Variants in NDRG1 observed in about 807,000 individuals in gnomAD.
NDRG1 encodes N-myc downstream regulated 1, also known as protein NDRG1.
Under a neutral mutation model 56.9 loss-of-function variants are expected in NDRG1, and 32 were observed. The observed-to-expected ratio is 0.56, with a 90% CI of 0.42 to 0.76. The LOEUF (loss-of-function observed/expected upper bound fraction) is 0.76. Among genes scored for constraint, NDRG1 ranks in the 30% least tolerant of loss-of-function variants. NDRG1 has a pLI of 0.00. For synonymous variants in NDRG1, 211 were observed against 204.1 expected, an observed-to-expected ratio of 1.03 and a Z score of -0.29; for missense variants, 507 against 545.7, an observed-to-expected ratio of 0.93 and a Z score of 0.71.
At chr8:133,271,407 C>T (rs994002708) in intron 3 of NDRG1, among the ~76,000 whole-genome samples, 1 of 152,148 alleles carries the variant, frequency 6.6e-6, no homozygotes, top group South Asian at 2.1e-4. Context: ...CTGCCCCCTC[C>T]CCACCATCTT....
rs1472386017 is a variant in NDRG1 at position 133,239,084 on chromosome 8, G to A, written c.979C>T (p.Arg327Cys). 6.4e-6 allele frequency: 10 copies of A among 1,573,300 alleles called. No individual in the cohort carries two copies. Among genetic ancestry groups the A allele is most frequent in the African/African-American group, 2.7e-5 (2 of 74,370 alleles). The change falls in exon 16 of 16, where the codon CGC (arginine) becomes TGC (cysteine). Residue 327 changes from arginine (R) to cysteine (C), a missense_variant. By Grantham distance (180) the Arg-to-Cys change is radical (BLOSUM62 -3). Transcript: ENST00000323851. ...GTGACGCTGGAACCAGAGGCTGTGC[G>A]GGACCGCATCAGGCGGGTCATGCTA... ...SASMTRLMRSRTASGSSVTSL... is the reference protein window; with the variant it reads ...SASMTRLMRSCTASGSSVTSL...
chr8:133,263,646 T>C (rs1856765422), intron 4 of NDRG1, among the ~76,000 whole-genome samples: 1 of 152,188 alleles, frequency 6.6e-6, no homozygotes, highest in East Asian at 1.9e-4. Flanking sequence ...CCGGGCCCAA[T>C]GGCTCATGCC....
At chr8:133,283,224 T>G (rs891431029) in intron 2 of NDRG1, among the ~76,000 whole-genome samples, 2 of 152,234 alleles carry the variant, frequency 1.3e-5, no homozygotes, top group African/African-American at 2.4e-5. Context: ...GGGACCTGCA[T>G]GAACCAAAGT....
intron 1 of NDRG1, among the ~76,000 whole-genome samples, chr8:133,295,267 C>T (rs531992022): frequency 6.6e-6 from 1 of 152,364 alleles, no homozygotes; most frequent in Admixed American, 6.5e-5. Context: ...ATTTCAACTC[C>T]TCCCACCTGC....
chr8:133,271,844 G>T (rs1029522114), intron 3 of NDRG1, among the ~76,000 whole-genome samples: 1 of 78,274 alleles, frequency 1.3e-5, no homozygotes, highest in Non-Finnish European at 3.2e-5. Flanking sequence ...GATAACCAGG[G>T]GAGGTGTGTG....
chr8:133,293,640 C>T (rs1052673588), intron 1 of NDRG1, among the ~76,000 whole-genome samples: 2 of 152,232 alleles, frequency 1.3e-5, no homozygotes, highest in African/African-American at 4.8e-5. Context: ...CCTGAAGGTA[C>T]AGCGGCATGT....
chr8:133,271,381 A>T (rs1857176915), intron 3 of NDRG1, among the ~76,000 whole-genome samples: 1 of 152,160 alleles, frequency 6.6e-6, no homozygotes, highest in Non-Finnish European at 1.5e-5. Flanking sequence ...GAGGCTCAAG[A>T]GAGAATGTCA....
chr8:133,260,704 G>A (rs1234952304), intron 5 of NDRG1, among the ~76,000 whole-genome samples: 2 of 152,114 alleles, frequency 1.3e-5, no homozygotes, highest in African/African-American at 2.4e-5. Flanking sequence ...GGCCCCATAC[G>A]GTTGGCTGTC....
At chr8:133,261,037 G>A (rs961574890) in intron 5 of NDRG1, among the ~76,000 whole-genome samples, 10 of 152,212 alleles carry the variant, frequency 6.6e-5, no homozygotes, top group Non-Finnish European at 2.9e-5. Context: ...AAGGCAGCCT[G>A]ATGTTCCAAA....
At chr8:133,257,998 G>A (rs533076997) in intron 7 of NDRG1, among the ~76,000 whole-genome samples, 46 of 152,224 alleles carry the variant, frequency 3.0e-4, no homozygotes, top group South Asian at 4.2e-4. Flanking sequence ...AAAACTTCCC[G>A]TGTCTGATTC....
At chr8:133,297,045 C>T (rs1304435860) in intron 1 of NDRG1, 89 bp downstream of exon 1, 1 of 153,904 alleles carries the variant, frequency 6.5e-6, no homozygotes, top group African/African-American at 2.4e-5. Context: ...CGCGGGGCTA[C>T]AAAGGGCGGT....
rs929071157 is a variant in NDRG1, at chr8:133,237,912, C to G, written c.*966G>C. The G allele has an allele frequency of 4.3e-6, 1 of 232,972 alleles. No homozygotes were observed. Among genetic ancestry groups the G allele is most frequent in the East Asian group, 6.0e-5 (1 of 16,576 alleles). The allele number at this position is 232,972 out of a possible 1,614,324, so 14.4% of individuals were successfully genotyped here. A position where few individuals can be genotyped will look rare whatever the true frequency, so the allele number is the denominator to read the frequency against. On this transcript the variant is annotated 3_prime_UTR_variant, in exon 16 of 16. Coordinates refer to ENST00000323851, the MANE Select transcript of NDRG1 (RefSeq NM_006096.4). ...ACAAGGAATCCCTTACATCGAGTAA[C>G]CCCAATTCCACCCCCACCCCAGTGC...
chr8:133,242,068 T>C lies in NDRG1; in HGVS notation c.898A>G (p.Lys300Glu), dbSNP rs1191362755. 1.2e-6 allele frequency: 2 copies of C among 1,614,028 alleles called. No homozygotes were observed. The highest frequency in any genetic ancestry group is 1.3e-5 in the African/African-American group (1 of 74,904). The change falls in exon 15 of 16, where the codon AAG becomes GAG. Residue 300 changes from lysine (K) to glutamate (E), a missense_variant. Lys to Glu is a moderately conservative substitution (Grantham distance 56). Transcript: ENST00000323851. Reference sequence around the variant, plus strand: ...AAGTACTTGAAGGCCTCAGCGAGCTTGGCCGGCTGCGAGAGACAAGGAGAG... The same window carrying C: ...AAGTACTTGAAGGCCTCAGCGAGCTCGGCCGGCTGCGAGAGACAAGGAGAG... ...GGLPQISQPA[K>E]LAEAFKYFVQ...
chr8:133,242,646 C>T (rs1855448806), intron 14 of NDRG1, among the ~76,000 whole-genome samples: 1 of 151,292 alleles, frequency 6.6e-6, no homozygotes, highest in African/African-American at 2.4e-5. Context: ...GCCTCAATAG[C>T]AGGCTGGCTG....
intron 14 of NDRG1, 94 bp downstream of exon 14, chr8:133,244,261 C>G: frequency 1.4e-6 from 2 of 1,449,180 alleles, no homozygotes; most frequent in Non-Finnish European, 1.9e-6. Context: ...GATGTCACAG[C>G]AAGGTAATGA....
At chr8:133,276,143 T>C (rs181922903) in intron 3 of NDRG1, among the ~76,000 whole-genome samples, 4 of 152,286 alleles carry the variant, frequency 2.6e-5, no homozygotes, top group African/African-American at 9.6e-5. Flanking sequence ...TGACCTCTGC[T>C]CTATCCTTCC....
At chr8:133,279,095 G>A (rs1418384342) in intron 3 of NDRG1, among the ~76,000 whole-genome samples, 2 of 152,058 alleles carry the variant, frequency 1.3e-5, no homozygotes, top group African/African-American at 4.8e-5. Flanking sequence ...TCTCCTTGTT[G>A]GCCAGGCTGG....
At chr8:133,270,521 G>A (rs1266396656) in intron 3 of NDRG1, among the ~76,000 whole-genome samples, 3 of 89,658 alleles carry the variant, frequency 3.3e-5, no homozygotes, top group Admixed American at 2.7e-4. Flanking sequence ...GAAAATTCCT[G>A]TAGCTTCAAG....
At chr8:133,258,867 G>A in intron 6 of NDRG1, 1 of 531,292 alleles carries the variant, frequency 1.9e-6, no homozygotes, top group South Asian at 2.1e-5. Flanking sequence ...CTCCATTCCA[G>A]AACATTCCAT....
Sources: gnomAD v4.1 joint callset for allele counts (sites outside exome capture counted in the v4.1 genomes callset) on GRCh38, gnomAD v4.1.1 for gene constraint, MANE v1.5 for transcripts, NCBI Gene and HGNC (gene_info 2026-07-23, HGNC 2026-07-21) for gene names.